Variants in PRKD1 observed in about 807,000 individuals in gnomAD.
PRKD1 encodes protein kinase D1, also known as serine/threonine-protein kinase D1.
Under a neutral mutation model 95.9 loss-of-function variants are expected in PRKD1, and 63 were observed. That is an observed-to-expected ratio of 0.66 (90% CI 0.54 to 0.81). PRKD1 has a LOEUF of 0.81. Among genes scored for constraint, PRKD1 ranks in the 30% least tolerant of loss-of-function variants. PRKD1 has a pLI of 0.00. For missense variants in PRKD1, 1,048 were observed against 1,165.3 expected (o/e 0.90, Z 1.47); for synonymous variants, 425 against 423.1 (o/e 1.00, Z -0.05).
chr14:29,903,209 A>T (rs1894379844), intron 1 of PRKD1, among the ~76,000 whole-genome samples: 2 of 152,234 alleles, frequency 1.3e-5, no homozygotes, highest in Admixed American at 1.3e-4. Context: ...CAAATAATGT[A>T]TTGGCCTTCC....
At chr14:29,827,480 C>T (rs535587668) in intron 1 of PRKD1, among the ~76,000 whole-genome samples, 345 of 152,226 alleles carry the variant, frequency 2.3e-3, no homozygotes, top group Non-Finnish European at 3.5e-3. Flanking sequence ...TGCTTCCTTA[C>T]GGTCAGCCTT....
chr14:29,897,668 C>T (rs1228522662), intron 1 of PRKD1, among the ~76,000 whole-genome samples: 2 of 152,078 alleles, frequency 1.3e-5, no homozygotes, highest in Non-Finnish European at 1.5e-5. Flanking sequence ...AGGTAAAGTG[C>T]TGGGTACTTG....
At chr14:29,727,278 G>T (rs1038661565) in intron 1 of PRKD1, among the ~76,000 whole-genome samples, 5 of 152,088 alleles carry the variant, frequency 3.3e-5, no homozygotes, top group Admixed American at 6.6e-5. Flanking sequence ...TGAGTTCATT[G>T]TATATTCCGG....
chr14:29,720,809 A>C (rs916260638), intron 2 of PRKD1, among the ~76,000 whole-genome samples: 2 of 152,096 alleles, frequency 1.3e-5, no homozygotes, highest in African/African-American at 2.4e-5. Context: ...ATAAATAAAT[A>C]AATCCTGAAG....
intron 1 of PRKD1, among the ~76,000 whole-genome samples, chr14:29,727,409 T>C (rs1273157838): frequency 6.6e-6 from 1 of 151,520 alleles, no homozygotes; most frequent in Non-Finnish European, 1.5e-5. Context: ...TTAGATCCCA[T>C]TTGTCAATTT....
intron 2 of PRKD1, among the ~76,000 whole-genome samples, chr14:29,720,156 T>C (rs1885816122): frequency 6.6e-6 from 1 of 152,120 alleles, no homozygotes; most frequent in Admixed American, 6.6e-5. Flanking sequence ...TATTGTGGAG[T>C]TGCTATGTAT....
At chr14:29,882,582 T>C (rs140518428) in intron 1 of PRKD1, among the ~76,000 whole-genome samples, 1 of 152,208 alleles carries the variant, frequency 6.6e-6, no homozygotes, top group Admixed American at 6.5e-5. Context: ...GTTAAGTGTA[T>C]TCACAGTGCT....
At chr14:29,832,433 T>A (rs915612548) in intron 1 of PRKD1, among the ~76,000 whole-genome samples, 1 of 152,182 alleles carries the variant, frequency 6.6e-6, no homozygotes, top group African/African-American at 2.4e-5. Context: ...GACTTTTCTG[T>A]TTGTCTGTTA....
chr14:29,790,733 A>C (rs2225901), intron 1 of PRKD1, among the ~76,000 whole-genome samples: 2,993 of 152,308 alleles, frequency 0.02, 102 homozygotes, highest in Admixed American at 0.086. Flanking sequence ...GATTATGACG[A>C]TATTTTATTC....
chr14:29,723,445 A>C (rs559480759), intron 2 of PRKD1, among the ~76,000 whole-genome samples: 14 of 152,310 alleles, frequency 9.2e-5, no homozygotes, highest in African/African-American at 3.4e-4. Flanking sequence ...GCATTTGATC[A>C]CAATAGACTC....
At chr14:29,741,710 TCTAC>T (rs767139939) in intron 1 of PRKD1, among the ~76,000 whole-genome samples, 19 of 152,054 alleles carry the variant, frequency 1.2e-4, no homozygotes, top group Non-Finnish European at 2.4e-4. Flanking sequence ...TCTAATTGGC[TCTAC>T]CTAAGTCCTA....
At chr14:29,895,654 C>T (rs1174199263) in intron 1 of PRKD1, among the ~76,000 whole-genome samples, 1 of 152,158 alleles carries the variant, frequency 6.6e-6, no homozygotes, top group Non-Finnish European at 1.5e-5. Flanking sequence ...CATCTCCCCA[C>T]TCACTCCATA....
At chr14:29,617,901 T>C (rs1878974855) in intron 13 of PRKD1, among the ~76,000 whole-genome samples, 1 of 110,594 alleles carries the variant, frequency 9.0e-6, no homozygotes, top group African/African-American at 2.9e-5. Context: ...GCTCCATCTC[T>C]ACCAAAAATA....
At chr14:29,833,229 A>G (rs1891483165) in intron 1 of PRKD1, among the ~76,000 whole-genome samples, 1 of 152,016 alleles carries the variant, frequency 6.6e-6, no homozygotes, top group Non-Finnish European at 1.5e-5. Flanking sequence ...AAATCATGTG[A>G]ATGAATAAAT....
intron 1 of PRKD1, among the ~76,000 whole-genome samples, chr14:29,862,374 G>A (rs559462567): frequency 1.3e-5 from 2 of 152,152 alleles, no homozygotes; most frequent in Non-Finnish European, 2.9e-5. Flanking sequence ...TTTCGGGGAG[G>A]GGGGTGGTAT....
At chr14:29,624,348 G>T (rs1390876413) in intron 12 of PRKD1, 90 bp from the exon 13 acceptor site, 3 of 795,070 alleles carry the variant, frequency 3.8e-6, no homozygotes, top group East Asian at 2.8e-5. Context: ...TTAAAGAAAT[G>T]ATAAACATAT....
intron 4 of PRKD1, among the ~76,000 whole-genome samples, chr14:29,660,761 C>A (rs868056324): frequency 6.6e-6 from 1 of 152,018 alleles, no homozygotes; most frequent in African/African-American, 2.4e-5. Flanking sequence ...AAATAATAGA[C>A]TCATTTAATA....
In PRKD1 at chr14:29,790,007, C is replaced by CTTTTTT. The variant is rs34880091; in HGVS notation, c.265-64339_265-64334dup. Among the ~76,000 whole-genome samples, 26 of 97,306 alleles carry CTTTTTT rather than the reference C, an allele frequency of 2.7e-4. 1 individual carries two copies. Among genetic ancestry groups the CTTTTTT allele is most frequent in the African/African-American group, 5.5e-4 (13 of 23,500 alleles). The allele number at this position is 97,306 out of a possible 152,430, so 63.8% of individuals were successfully genotyped here. A position where few individuals can be genotyped will look rare whatever the true frequency, so the allele number is the denominator to read the frequency against. On this transcript the variant is annotated intron_variant, in intron 1 of 17. Coordinates refer to ENST00000331968, the MANE Select transcript of PRKD1 (RefSeq NM_002742.3). Reference sequence around the variant, plus strand: ...TTAGAAGCATTACCAAGCAAGTTGTCTTTTTTTTTTTTTTTTTTTTTTTGA... The same window carrying CTTTTTT: ...TTAGAAGCATTACCAAGCAAGTTGTCTTTTTTTTTTTTTTTTTTTTTTTTTTTTTGA...
intron 10 of PRKD1, among the ~76,000 whole-genome samples, chr14:29,630,332 G>A (rs1349676563): frequency 1.3e-5 from 2 of 151,944 alleles, no homozygotes; most frequent in Admixed American, 6.6e-5. Context: ...TAGAGACAGG[G>A]TTTCCCCATG....
Sources: gnomAD v4.1 joint callset for allele counts (sites outside exome capture counted in the v4.1 genomes callset) on GRCh38, gnomAD v4.1.1 for gene constraint, MANE v1.5 for transcripts, NCBI Gene and HGNC (gene_info 2026-07-23, HGNC 2026-07-21) for gene names.